CCDC22: variants seen among roughly 807,000 people sequenced by gnomAD.
The protein encoded by CCDC22 is coiled-coil domain-containing protein 22.
Under a neutral mutation model 53.1 loss-of-function variants are expected in CCDC22, and 4 were observed. The ratio of observed to expected loss-of-function variants is 0.08; its 90% CI spans 0.04 to 0.17. CCDC22 has a LOEUF of 0.17. CCDC22 is among the 10% of genes least tolerant of loss of function. The probability of loss-of-function intolerance (pLI) is 1.00; values close to 1 mark genes in which losing one functional copy is unlikely to be tolerated. For synonymous variants in CCDC22, 222 were observed against 224.4 expected (o/e 0.99, Z 0.10); for missense variants, 458 against 554.0 (o/e 0.83, Z 1.74).
chrX:49,238,889 A>G (rs1161442150), intron 2 of CCDC22, among the ~76,000 whole-genome samples: 1 of 111,540 alleles, frequency 9.0e-6, no homozygotes, highest in Non-Finnish European at 1.9e-5. Flanking sequence ...CTGATGAAAC[A>G]CTCACCCATT....
intron 2 of CCDC22, among the ~76,000 whole-genome samples, chrX:49,241,749 A>T (rs2065964887): frequency 9.0e-6 from 1 of 110,698 alleles, no homozygotes; most frequent in Admixed American, 9.6e-5. Flanking sequence ...CTTTCTTTTC[A>T]TGTATTCAAA....
chrX:49,242,167 G>A lies in CCDC22; in HGVS notation c.361+19G>A. On this transcript the variant is annotated intron_variant, in intron 3 of 16. Transcript: ENST00000376227. ...CCTGCAGGTACTGGGTGTCTGGGGT[G>A]TGGGCGGGGGCGGTGAGGGGAGAGG... is the stretch of plus-strand genomic sequence containing the variant. 1.7e-6 allele frequency: 2 copies of A among 1,210,474 alleles called. No homozygotes were observed. The highest frequency in any genetic ancestry group is 5.9e-5 in the East Asian group (2 of 33,818).
At chrX:49,243,094 AT>A in intron 4 of CCDC22, 23 bp from the exon 5 acceptor site, 1 of 1,200,148 alleles carries the variant, frequency 8.3e-7, no homozygotes. Flanking sequence ...CACCCTGGAG[AT>A]TCTGAGCCTG....
intron 9 of CCDC22, 104 bp from the exon 10 acceptor site, chrX:49,248,087 C>A: frequency 8.5e-7 from 1 of 1,179,396 alleles, no homozygotes; most frequent in African/African-American, 1.8e-5. Context: ...GTCCTTGGCA[C>A]CAGCGTGGAG....
At chrX:49,246,694 C>T in intron 6 of CCDC22, 37 bp from the exon 7 acceptor site, 2 of 1,091,177 alleles carry the variant, frequency 1.8e-6, no homozygotes, top group East Asian at 6.6e-5. Context: ...TAGGTGGGCC[C>T]CTACACCTTC....
At chrX:49,238,190 C>T (rs2016748776) in intron 2 of CCDC22, among the ~76,000 whole-genome samples, 1 of 108,610 alleles carries the variant, frequency 9.2e-6, no homozygotes. Context: ...AAGTGATTCT[C>T]CTGCCTCAGC....
chrX:49,236,203 CT>C (rs57388689), intron 1 of CCDC22, among the ~76,000 whole-genome samples: 51,193 of 96,450 alleles, frequency 0.53, 13,088 homozygotes, highest in Non-Finnish European at 0.73. Flanking sequence ...ACCCAGGATT[CT>C]TTTTTTTTTT....
At chrX:49,243,881 C>T (rs999982946) in intron 6 of CCDC22, among the ~76,000 whole-genome samples, 5 of 112,335 alleles carry the variant, frequency 4.5e-5, no homozygotes, top group East Asian at 2.8e-4. Context: ...CTCCATCTCC[C>T]GGGTTCAAGC....
At chrX:49,237,054 A>G (rs1557112802) in intron 1 of CCDC22, 32 bp from the exon 2 acceptor site, 1 of 1,186,200 alleles carries the variant, frequency 8.4e-7, no homozygotes, top group Non-Finnish European at 1.1e-6. Context: ...TTGCCTGACT[A>G]TTCCTGCGAT....
chrX:49,242,353 G>C (rs1385912211), intron 3 of CCDC22: 1 of 746,322 alleles, frequency 1.3e-6, no homozygotes, highest in Admixed American at 8.8e-5. Context: ...AGCTGACCCC[G>C]GTGGTGCGTT....
chrX:49,248,692 T>G lies in CCDC22; in HGVS notation c.1389T>G (p.Ala463=). ...IQELHQSVRA[A]AEEARRKEEV... is the part of the protein sequence containing the mutation. ...AACTGCACCAGAGTGTCCGGGCGGC[T>G]GCTGAAGAGGCCCGCAGGAAGGAGG... is the stretch of plus-strand genomic sequence containing the variant. The change falls in exon 12 of 17, where the codon GCT becomes GCG. Residue 463 remains alanine, a synonymous_variant. Transcript: ENST00000376227. The G allele has an allele frequency of 8.3e-7, 1 of 1,211,002 alleles. No individual in the cohort carries two copies. Among genetic ancestry groups the G allele is most frequent in the Non-Finnish European group, 1.1e-6 (1 of 895,215 alleles).
In CCDC22 at chrX:49,235,861, A is replaced by G. The variant is rs7059381; in HGVS notation, c.50+175A>G. On this transcript the variant is annotated intron_variant, in intron 1 of 16. Coordinates refer to ENST00000376227, the MANE Select transcript of CCDC22 (RefSeq NM_014008.5). ...CACACACACACACACACACACACAC[A>G]CACGCACACACACACCGCCCTCCCT... Among the ~76,000 whole-genome samples the G allele has an allele frequency of 4.7e-3, 502 of 105,744 alleles. 4 individuals carry two copies. Among genetic ancestry groups the G allele is most frequent in the Non-Finnish European group, 7.7e-3 (392 of 51,150 alleles). 91.8% of individuals were successfully genotyped at this position (105,744 alleles called of 115,157 possible). A position where few individuals can be genotyped will look rare whatever the true frequency, so the allele number is the denominator to read the frequency against.
At chrX:49,249,488 G>A (rs2066012001) in intron 14 of CCDC22, 21 bp from the exon 15 acceptor site, 1 of 1,204,363 alleles carries the variant, frequency 8.3e-7, no homozygotes, top group African/African-American at 1.7e-5. Flanking sequence ...TGATACCTTT[G>A]AGGTCCCTGT....
rs2065931611 is a variant in CCDC22, at chrX:49,235,540, C to T, written c.-97C>T. The T allele has an allele frequency of 2.5e-6, 2 of 800,192 alleles. No individual in the cohort carries two copies. The highest frequency in any genetic ancestry group is 3.4e-5 in the East Asian group (1 of 29,134). The allele number at this position is 800,192 out of a possible 1,213,427, so 65.9% of individuals were successfully genotyped here. ...CTCTCCCCACACGACCCGTGACACT[C>T]TGTGGACCGCGAGCACGGAGCAGGG... On this transcript the variant is annotated 5_prime_UTR_variant, in exon 1 of 17. Coordinates refer to ENST00000376227, the MANE Select transcript of CCDC22 (RefSeq NM_014008.5).
At chrX:49,237,759 C>CTTT (rs782723167) in intron 2 of CCDC22, among the ~76,000 whole-genome samples, 3 of 94,127 alleles carry the variant, frequency 3.2e-5, no homozygotes, top group South Asian at 4.8e-4. Context: ...ATGGTCATTC[C>CTTT]TTTTTTTTTT....
rs376486043 is a variant in CCDC22 at position 49,248,398 on chromosome X, C to T, written c.1213-9C>T. The stretch of plus-strand genomic sequence containing the variant: ...CCAGCCTGTGTGACATGTACCCATC[C>T]CCCACCAGCTTGTGGTGGAGAATAG... On this transcript the variant is annotated splice_polypyrimidine_tract_variant and intron_variant, in intron 10 of 16. Coordinates refer to ENST00000376227, the MANE Select transcript of CCDC22 (RefSeq NM_014008.5). 1.0e-4 allele frequency: 124 copies of T among 1,206,277 alleles called. No individual in the cohort carries two copies. In the African/African-American group the frequency reaches 2.0e-3, roughly 19 times the overall value.
chrX:49,238,495 A>G (rs1208231729), intron 2 of CCDC22, among the ~76,000 whole-genome samples: 1 of 112,941 alleles, frequency 8.9e-6, no homozygotes, highest in Non-Finnish European at 1.9e-5. Flanking sequence ...AGTGTCTGCT[A>G]TATTACCTCT....
In CCDC22 at chrX:49,243,198, T is replaced by A. The variant is rs1569529245; in HGVS notation, c.535+14T>A. 8.3e-7 allele frequency: 1 copy of A among 1,207,250 alleles called. No homozygotes were observed. Among genetic ancestry groups the A allele is most frequent in the Non-Finnish European group, 1.1e-6 (1 of 892,789 alleles). Reference sequence around the variant, plus strand: ...GTTCCAGAGGTGGTGAGCATGAGGCTGTGGGGAGGGGTGAGGAGGAAGGTG... The same window carrying A: ...GTTCCAGAGGTGGTGAGCATGAGGCAGTGGGGAGGGGTGAGGAGGAAGGTG... On this transcript the variant is annotated intron_variant, in intron 5 of 16. Coordinates refer to ENST00000376227, the MANE Select transcript of CCDC22 (RefSeq NM_014008.5).
Position 49,246,774 on chromosome X carries a change from C to T in CCDC22, c.758C>T (p.Thr253Ile). Residue 253 changes from threonine (T) to isoleucine (I), a missense_variant, in exon 7 of 17, where the codon ACT (threonine) becomes ATT (isoleucine). By Grantham distance (89) the Thr-to-Ile change is moderately conservative (BLOSUM62 -1). Around this residue, in one of 4 missense-constraint regions of CCDC22, gnomAD observed 309 missense variants for 312.3 expected, o/e 0.99. Transcript: ENST00000376227. Reference protein sequence around the residue: ...AQRQRLQKQLTEHLRQSWGLL... With the variant: ...AQRQRLQKQLIEHLRQSWGLL... Reference sequence around the variant, plus strand: ...CGGCAGCGGCTGCAAAAGCAACTGACTGAGCATCTGCGCCAAAGCTGGGGC... The same window carrying T: ...CGGCAGCGGCTGCAAAAGCAACTGATTGAGCATCTGCGCCAAAGCTGGGGC... 1.7e-6 allele frequency: 2 copies of T among 1,183,314 alleles called. No individual in the cohort carries two copies. The highest frequency in any genetic ancestry group is 1.9e-5 in the South Asian group (1 of 52,748).
Sources: gnomAD v4.1 joint callset for allele counts (sites outside exome capture counted in the v4.1 genomes callset) on GRCh38, gnomAD v4.1.1 for gene constraint, gnomAD v4.1.1 regional missense constraint, MANE v1.5 for transcripts, NCBI Gene and HGNC (gene_info 2026-07-23, HGNC 2026-07-21) for gene names.